Variants in REV3L observed in about 807,000 individuals in gnomAD.
REV3L encodes REV3 like, DNA directed polymerase zeta catalytic subunit.
Under a neutral mutation model 299.4 loss-of-function variants are expected in REV3L, and 69 were observed. That is an observed-to-expected ratio of 0.23 (90% CI 0.19 to 0.28). The LOEUF (loss-of-function observed/expected upper bound fraction) is 0.28, where lower values mean the gene tolerates loss of function less well. REV3L is among the 10% of genes least tolerant of loss of function. The pLI, the probability that REV3L is intolerant of heterozygous loss-of-function variation, is 1.00. For synonymous variants in REV3L, 1,238 were observed against 1,271.4 expected (o/e 0.97, Z 0.56); for missense variants, 3,128 against 3,693.8 (o/e 0.85, Z 3.97).
chr6:111,303,701 CTTTTTTTTTTTTTTTTTTTTTTTT>C (rs58366929), intron 31 of REV3L, among the ~76,000 whole-genome samples: 10 of 12,642 alleles, frequency 7.9e-4, no homozygotes, highest in Non-Finnish European at 1.5e-3. Context: ...CAGACTATGA[CTTTTTTTTTTTTTTTTTTTTTTTT>C]TTTTTTTTTT....
Position 111,300,121 on chromosome 6 carries a change from G to C in REV3L, c.9288C>G (p.His3096Gln). Residue 3096 changes from histidine (H) to glutamine (Q), a missense_variant, in exon 32 of 32, where the codon CAC becomes CAG. This residue lies in a region of REV3L where 294 missense variants were observed against 377.0 expected (regional missense o/e 0.78). Transcript: ENST00000368802. ...CKNCTGCFDR[H>Q]IPCVSLNCPV... ...GGCAGTTCAGAGAAACACATGGGAT[G>C]TGTCGATCAAAGCAACCTGTACAGT... The C allele has an allele frequency of 6.2e-7, 1 of 1,612,784 alleles. No homozygotes were observed.
At chr6:111,305,192 C>T (rs966057328) in intron 31 of REV3L, among the ~76,000 whole-genome samples, 6 of 152,046 alleles carry the variant, frequency 3.9e-5, no homozygotes, top group African/African-American at 7.2e-5. Context: ...CCGCCCGCCT[C>T]GGCCTCCGAA....
At position 111,309,887 on chromosome 6, in the gene REV3L, A is replaced by G. The variant is rs1217603047; in HGVS notation, c.9008T>C (p.Ile3003Thr). The G allele has an allele frequency of 1.9e-6, 3 of 1,614,016 alleles. No individual in the cohort carries two copies. The highest frequency in any genetic ancestry group is 1.1e-5 in the South Asian group (1 of 91,088). ...PLARIFSLIG[I>T]DVFSWYHELP... ...TTCATGATACCAGCTGAAGACATCA[A>G]TACCAATAAGTGAGAAGATTCTTGC... Residue 3003 changes from isoleucine to threonine, a missense_variant, in exon 30 of 32, where the codon ATT becomes ACT. Ile to Thr is a moderately conservative substitution (Grantham distance 89). Coordinates refer to ENST00000368802, the MANE Select transcript of REV3L (RefSeq NM_001372078.1).
intron 16 of REV3L, chr6:111,361,528 T>C (rs2114999898): frequency 6.6e-6 from 1 of 152,168 alleles, no homozygotes; most frequent in Middle Eastern, 3.5e-3. Flanking sequence ...TTTTGTTTAC[T>C]AGATCAAATT....
intron 9 of REV3L, among the ~76,000 whole-genome samples, chr6:111,381,808 AAAC>A (rs1320809366): frequency 2.0e-5 from 3 of 152,228 alleles, no homozygotes; most frequent in African/African-American, 7.2e-5. Flanking sequence ...TATGGTTCAA[AAAC>A]AACAAATTTA....
At chr6:111,327,826 A>G (rs1019127774) in intron 25 of REV3L, among the ~76,000 whole-genome samples, 1 of 152,232 alleles carries the variant, frequency 6.6e-6, no homozygotes, top group Non-Finnish European at 1.5e-5. Context: ...TAACAATATT[A>G]AGTTTCCACT....
Position 111,376,252 on chromosome 6 carries a change from T to C in REV3L, c.2103A>G (p.Thr701=), listed in dbSNP as rs372504405. Residue 701 remains threonine (T), a synonymous_variant, in exon 13 of 32, where the codon ACA becomes ACG. Transcript: ENST00000368802. The stretch of plus-strand genomic sequence containing the variant: ...AAAAGTTGAAAGAATTTTTGCCCAA[T>C]GTATTCTCGTTAGGGTGACGGTGCA... The part of the protein sequence containing the change: ...IHMHRHPNEN[T]LGKNSFNFSD... 2.4e-5 allele frequency: 38 copies of C among 1,613,892 alleles called. No homozygotes were observed. Among genetic ancestry groups the C allele is most frequent in the Non-Finnish European group, 2.5e-5 (29 of 1,179,928 alleles).
chr6:111,411,333 G>A (rs1784219254), intron 3 of REV3L, 147 bp downstream of exon 3: 1 of 572,702 alleles, frequency 1.7e-6, no homozygotes, highest in South Asian at 2.4e-5. Flanking sequence ...CAAGCCACTG[G>A]TCTCTCTCTA....
chr6:111,303,894 T>C (rs1200705825), intron 31 of REV3L, among the ~76,000 whole-genome samples: 1 of 151,618 alleles, frequency 6.6e-6, no homozygotes, highest in Non-Finnish European at 1.5e-5. Context: ...CTAATTTTTG[T>C]ATTTTTTAGT....
rs1779989822 is a variant in REV3L at position 111,373,379 on chromosome 6, C to T, written c.4976G>A (p.Ser1659Asn). 2 of 1,613,382 alleles carry T rather than the reference C, an allele frequency of 1.2e-6. No homozygotes were observed. The highest frequency in any genetic ancestry group is 1.3e-5 in the African/African-American group (1 of 74,842). Reference sequence around the variant, plus strand: ...GACAAACTGACTTCCAGAATAAAAGCTACAAAATCCAGTCTGACCTATTGT... The same window carrying T: ...GACAAACTGACTTCCAGAATAAAAGTTACAAAATCCAGTCTGACCTATTGT... ...INTIGQTGFC[S>N]FYSGSQFVPA... The change falls in exon 13 of 32, where the codon AGC becomes AAC. Residue 1659 changes from serine to asparagine, a missense_variant. Physicochemically the swap from Ser to Asn is conservative, Grantham distance 46 (BLOSUM62 1). This residue lies in a region of REV3L where 2,409 missense variants were observed against 2,611.8 expected (regional missense o/e 0.92). Transcript: ENST00000368802.
Position 111,331,781 on chromosome 6 carries a change from A to G in REV3L, c.7929T>C (p.Tyr2643=), listed in dbSNP as rs1775402609. 6.3e-7 allele frequency: 1 copy of G among 1,596,434 alleles called. No individual in the cohort carries two copies. ...CLGHVENLGK[Y]DEFKFGCTSL... is the part of the protein sequence containing the mutation. Reference sequence around the variant, plus strand: ...AGGTACAGCCAAATTTGAACTCATCATACCTGTTAAGAAAGAGAACATTAA... The same window carrying G: ...AGGTACAGCCAAATTTGAACTCATCGTACCTGTTAAGAAAGAGAACATTAA... The change falls in exon 24 of 32, where the codon TAT becomes TAC. Residue 2643 remains tyrosine (Y), a synonymous_variant. Transcript: ENST00000368802.
intron 31 of REV3L, among the ~76,000 whole-genome samples, chr6:111,301,908 C>T (rs1771595135): frequency 6.6e-6 from 1 of 152,212 alleles, no homozygotes; most frequent in Admixed American, 6.5e-5. Context: ...TGCAGGCCGA[C>T]TTTCACCTGA....
At chr6:111,479,100 A>G (rs1324898482) in intron 1 of REV3L, among the ~76,000 whole-genome samples, 1 of 152,188 alleles carries the variant, frequency 6.6e-6, no homozygotes, top group African/African-American at 2.4e-5. Context: ...ACAGCTTCCC[A>G]AGTCCACCTC....
chr6:111,311,589 A>G, intron 28 of REV3L: 1 of 166,986 alleles, frequency 6.0e-6, no homozygotes, highest in Non-Finnish European at 1.3e-5. Context: ...ACAAGAAACC[A>G]GACACGATTT....
chr6:111,447,432 G>A (rs1162023960), intron 1 of REV3L, among the ~76,000 whole-genome samples: 1 of 152,150 alleles, frequency 6.6e-6, no homozygotes, highest in Non-Finnish European at 1.5e-5. Flanking sequence ...AACTTCAAAT[G>A]TCACGACTCT....
chr6:111,481,181 A>G (rs1282131922), intron 1 of REV3L, among the ~76,000 whole-genome samples: 52 of 152,334 alleles, frequency 3.4e-4, no homozygotes, highest in Non-Finnish European at 1.0e-4. Context: ...TCCTATTAGC[A>G]TGTCACTTTA....
intron 20 of REV3L, among the ~76,000 whole-genome samples, chr6:111,347,952 G>A (rs1177469465): frequency 6.6e-6 from 1 of 152,048 alleles, no homozygotes; most frequent in Non-Finnish European, 1.5e-5. Context: ...CTAGGCACAT[G>A]CTACCATACA....
chr6:111,447,931 T>C (rs1304030145), intron 1 of REV3L, among the ~76,000 whole-genome samples: 2 of 152,198 alleles, frequency 1.3e-5, no homozygotes, highest in East Asian at 3.8e-4. Flanking sequence ...CTTCCTAAGT[T>C]AGAATTTATA....
In REV3L at chr6:111,380,177, C is replaced by G; in HGVS notation, c.1259G>C (p.Gly420Ala). The change falls in exon 11 of 32, where the codon GGT becomes GCT. Residue 420 changes from glycine to alanine, a missense_variant. By Grantham distance (60) the Gly-to-Ala change is moderately conservative. Coordinates refer to ENST00000368802, the MANE Select transcript of REV3L (RefSeq NM_001372078.1). The part of the protein sequence containing the change: ...PDEALVHLLA[G>A]LESDGYRGER... ...CCCCCGATATCCATCACTTTCCAAACCAGCAAGAAGATGTACCAGAGCCTC... is the reference window on the plus strand; with the variant it reads ...CCCCCGATATCCATCACTTTCCAAAGCAGCAAGAAGATGTACCAGAGCCTC... The G allele has an allele frequency of 6.2e-7, 1 of 1,614,104 alleles. No individual in the cohort carries two copies. Among genetic ancestry groups the G allele is most frequent in the Non-Finnish European group, 8.5e-7 (1 of 1,179,962 alleles).
Sources: allele counts gnomAD v4.1 joint callset (sites outside exome capture counted in the v4.1 genomes callset), GRCh38; gene constraint gnomAD v4.1.1; regional missense constraint gnomAD v4.1.1; transcripts MANE v1.5; gene names NCBI Gene and HGNC (gene_info 2026-07-23, HGNC 2026-07-21).